Variants in WDR93 observed in about 807,000 individuals in gnomAD.
WDR93 encodes WD repeat domain 93, also known as WD repeat-containing protein 93.
In WDR93, 73 loss-of-function variants were observed where a neutral mutation model predicts 82.9. The observed-to-expected ratio is 0.88, with a 90% CI of 0.73 to 1.07. The LOEUF (loss-of-function observed/expected upper bound fraction) is 1.07. WDR93 is among the 50% of genes least tolerant of loss of function. WDR93 has a pLI of 0.00. For missense variants in WDR93, 738 were observed against 826.0 expected (o/e 0.89, Z 1.31); for synonymous variants, 283 against 300.1 (o/e 0.94, Z 0.59).
intron 1 of WDR93, among the ~76,000 whole-genome samples, chr15:89,698,991 G>T (rs548221238): frequency 5.3e-5 from 8 of 152,064 alleles, no homozygotes; most frequent in African/African-American, 1.7e-4. Context: ...GGGCTCAAGT[G>T]ATCCTCCAAG....
Position 89,727,154 on chromosome 15 carries a change from T to A in WDR93, c.881-3T>A. ...GACTAATTCTGTAATATTTTCAACCTAGGCACCACATTCAAAAGCCCCCTG... is the reference window on the plus strand; with the variant it reads ...GACTAATTCTGTAATATTTTCAACCAAGGCACCACATTCAAAAGCCCCCTG... On this transcript the variant is annotated splice_region_variant and splice_polypyrimidine_tract_variant and intron_variant, in intron 8 of 16. Transcript: ENST00000268130. 6.2e-7 allele frequency: 1 copy of A among 1,613,102 alleles called. No homozygotes were observed.
chr15:89,721,166 T>C (rs368728740), intron 7 of WDR93: 23 of 152,362 alleles, frequency 1.5e-4, no homozygotes, highest in African/African-American at 5.5e-4. Context: ...GCAAGATATA[T>C]CTTTTTCTGT....
upstream of WDR93, chr15:89,690,568 C>G (rs1475157249): frequency 6.5e-7 from 1 of 1,549,968 alleles, no homozygotes; most frequent in South Asian, 1.2e-5. Context: ...CCGCTGGCAC[C>G]TGACTCACCT....
Position 89,690,845 on chromosome 15 carries a change from G to A in WDR93, c.-53G>A, listed in dbSNP as rs889013486. On this transcript the variant is annotated 5_prime_UTR_variant, in exon 1 of 17. Transcript: ENST00000268130. ...GTTGTGGTTACCAAGGCGACGCAAC[G>A]CCGCCCGGCCAGGTGAGCAAAACTG... is the stretch of plus-strand genomic sequence containing the variant. The A allele has an allele frequency of 7.1e-5, 39 of 550,070 alleles. No individual in the cohort carries two copies. In the South Asian group the frequency reaches 8.2e-4, roughly 12 times the overall value. 34.1% of individuals were successfully genotyped at this position (550,070 alleles called of 1,614,324 possible). A position where few individuals can be genotyped will look rare whatever the true frequency, so the allele number is the denominator to read the frequency against.
At chr15:89,725,573 T>TTC (rs1966705840) in intron 8 of WDR93, among the ~76,000 whole-genome samples, 2 of 150,798 alleles carry the variant, frequency 1.3e-5, no homozygotes, top group Admixed American at 6.6e-5. Flanking sequence ...TTCTTTTCTT[T>TTC]TTTTTTTCTT....
intron 3 of WDR93, chr15:89,703,523 C>T (rs1965575453): frequency 4.5e-6 from 1 of 224,542 alleles, no homozygotes; most frequent in Admixed American, 5.2e-5. Context: ...CCAGAGCTTG[C>T]TCTTTTTCCC....
chr15:89,733,998 T>C (rs1432307305), intron 13 of WDR93, among the ~76,000 whole-genome samples: 1 of 151,334 alleles, frequency 6.6e-6, no homozygotes, highest in Non-Finnish European at 1.5e-5. Flanking sequence ...GTATAATGTG[T>C]GTGTGTGTGT....
intron 3 of WDR93, chr15:89,704,170 C>CAA (rs57077770): frequency 0.024 from 3,197 of 130,568 alleles, 123 homozygotes; most frequent in East Asian, 0.16. Context: ...ACGAAAAATA[C>CAA]AAAAAAAAAA....
At chr15:89,733,322 T>G (rs1391873349) in intron 13 of WDR93, 103 bp downstream of exon 13, 1 of 1,064,716 alleles carries the variant, frequency 9.4e-7, no homozygotes, top group Admixed American at 2.3e-5. Context: ...GTCCACCTTT[T>G]GTATAGTCAT....
chr15:89,722,440 C>G (rs1567117717), intron 8 of WDR93, among the ~76,000 whole-genome samples: 2 of 152,150 alleles, frequency 1.3e-5, no homozygotes, highest in Non-Finnish European at 2.9e-5. Flanking sequence ...CATTTGACTG[C>G]TAGTTGTAAT....
chr15:89,690,849 C>T lies in WDR93; in HGVS notation c.-49C>T. On this transcript the variant is annotated 5_prime_UTR_variant, in exon 1 of 17. Transcript: ENST00000268130. Reference sequence around the variant, plus strand: ...TGGTTACCAAGGCGACGCAACGCCGCCCGGCCAGGTGAGCAAAACTGATCT... The same window carrying T: ...TGGTTACCAAGGCGACGCAACGCCGTCCGGCCAGGTGAGCAAAACTGATCT... 1.8e-6 allele frequency: 1 copy of T among 549,954 alleles called. No homozygotes were observed. Among genetic ancestry groups the T allele is most frequent in the Non-Finnish European group, 3.2e-6 (1 of 308,314 alleles). 34.1% of individuals were successfully genotyped at this position (549,954 alleles called of 1,614,324 possible).
Position 89,729,082 on chromosome 15 carries a change from A to G in WDR93, c.1112A>G (p.Lys371Arg), listed in dbSNP as rs1452686445. 5 of 1,613,956 alleles carry G rather than the reference A, an allele frequency of 3.1e-6. No homozygotes were observed. Among genetic ancestry groups the G allele is most frequent in the South Asian group, 1.1e-5 (1 of 91,074 alleles). The change falls in exon 10 of 17, where the codon AAG becomes AGG. Residue 371 changes from lysine (K) to arginine (R), a missense_variant. Coordinates refer to ENST00000268130, the MANE Select transcript of WDR93 (RefSeq NM_020212.2). ...SCLFAMPPEV[K>R]GPSGMACVLG... ...CTATTTGCAATGCCACCGGAAGTCA[A>G]GGGCCCCTCAGGTAAATGAACATGA...
At chr15:89,712,133 C>G in intron 5 of WDR93, 29 bp downstream of exon 5, 1 of 1,566,804 alleles carries the variant, frequency 6.4e-7, no homozygotes, top group East Asian at 2.3e-5. Flanking sequence ...TGTTAAGGTT[C>G]AAATTTTCAG....
chr15:89,691,882 A>T (rs1649258594), intron 1 of WDR93, among the ~76,000 whole-genome samples: 2 of 152,326 alleles, frequency 1.3e-5, no homozygotes, highest in African/African-American at 4.8e-5. Flanking sequence ...CAAATTGTAA[A>T]GTAAAATATA....
chr15:89,738,365 G>A (rs990608617), intron 16 of WDR93, 129 bp downstream of exon 16: 28 of 1,141,190 alleles, frequency 2.5e-5, no homozygotes, highest in South Asian at 2.1e-4. Context: ...GGTGGCTCAC[G>A]CCTGTAATCC....
At chr15:89,691,734 A>AAATAT (rs1567089518) in intron 1 of WDR93, among the ~76,000 whole-genome samples, 2 of 152,086 alleles carry the variant, frequency 1.3e-5, no homozygotes, top group African/African-American at 4.8e-5. Flanking sequence ...AAATAAAATA[A>AAATAT]AATAAAATAA....
upstream of WDR93, chr15:89,690,790 A>G: frequency 1.8e-6 from 1 of 560,780 alleles, no homozygotes; most frequent in Non-Finnish European, 3.2e-6. Flanking sequence ...TCTGTAGAGC[A>G]ACTTCGCGGA....
intron 8 of WDR93, among the ~76,000 whole-genome samples, chr15:89,724,019 G>A (rs972715000): frequency 2.0e-5 from 3 of 152,056 alleles, no homozygotes; most frequent in Non-Finnish European, 2.9e-5. Flanking sequence ...CCAACATGGC[G>A]AAACCCCGTC....
chr15:89,722,183 T>A (rs372389761), intron 8 of WDR93, 44 bp downstream of exon 8: 73 of 1,348,834 alleles, frequency 5.4e-5, no homozygotes, highest in Non-Finnish European at 7.2e-5. Flanking sequence ...TTGATTTATC[T>A]GTTCTTTCTT....
Sources: allele counts gnomAD v4.1 joint callset (sites outside exome capture counted in the v4.1 genomes callset), GRCh38; gene constraint gnomAD v4.1.1; transcripts MANE v1.5; gene names NCBI Gene and HGNC (gene_info 2026-07-23, HGNC 2026-07-21).